The following LSAMP variants were observed in gnomAD, a reference collection of about 807,000 sequenced individuals.
LSAMP encodes the protein limbic system-associated membrane protein.
In LSAMP, 7 loss-of-function variants were observed where a neutral mutation model predicts 38.6. The ratio of observed to expected loss-of-function variants is 0.18; its 90% CI spans 0.10 to 0.34. LSAMP has a LOEUF of 0.34. LSAMP is among the 10% of genes least tolerant of loss of function. LSAMP has a pLI of 1.00. For synonymous variants in LSAMP, 154 were observed against 166.8 expected (o/e 0.92, Z 0.59); for missense variants, 313 against 420.0 (o/e 0.75, Z 2.23).
intron 3 of LSAMP, among the ~76,000 whole-genome samples, chr3:116,003,477 T>G (rs1940059519): frequency 6.6e-6 from 1 of 152,202 alleles, no homozygotes; most frequent in Non-Finnish European, 1.5e-5. Flanking sequence ...ATCTCATTAT[T>G]CTCTAATCTT....
chr3:116,200,867 A>G (rs1211865392), intron 1 of LSAMP, among the ~76,000 whole-genome samples: 1 of 152,204 alleles, frequency 6.6e-6, no homozygotes, highest in Non-Finnish European at 1.5e-5. Flanking sequence ...TTTGTAGGTA[A>G]ATAAGCATCC....
intron 3 of LSAMP, among the ~76,000 whole-genome samples, chr3:115,885,344 T>C (rs1199887625): frequency 2.0e-5 from 3 of 151,930 alleles, no homozygotes; most frequent in African/African-American, 7.2e-5. Context: ...AAAAGGACAG[T>C]TGGAGTGACA....
At chr3:115,926,895 C>A (rs1173369714) in intron 3 of LSAMP, among the ~76,000 whole-genome samples, 1 of 152,122 alleles carries the variant, frequency 6.6e-6, no homozygotes, top group African/African-American at 2.4e-5. Context: ...AAATTCTATT[C>A]ATCTATCTGA....
chr3:116,044,574 T>A (rs2107723036), intron 2 of LSAMP, among the ~76,000 whole-genome samples: 2 of 151,936 alleles, frequency 1.3e-5, no homozygotes, highest in Middle Eastern at 6.8e-3. Flanking sequence ...GACAGGTCTC[T>A]ATTTCTGGGC....
At chr3:116,367,828 A>T (rs910269253) in intron 1 of LSAMP, 1 of 151,708 alleles carries the variant, frequency 6.6e-6, no homozygotes, top group Non-Finnish European at 1.5e-5. Context: ...TCCTTTTTTT[A>T]AAAAAACAAA....
chr3:116,432,030 C>T (rs115189362), intron 1 of LSAMP, among the ~76,000 whole-genome samples: 1,613 of 152,054 alleles, frequency 0.011, 15 homozygotes, highest in Non-Finnish European at 0.018. Context: ...AAAACATTGT[C>T]TGACTCCCCT....
intron 1 of LSAMP, among the ~76,000 whole-genome samples, chr3:116,258,884 A>C (rs1576465027): frequency 1.3e-5 from 2 of 152,266 alleles, no homozygotes; most frequent in African/African-American, 4.8e-5. Context: ...CCTTCTTATC[A>C]AAAGGTTTAC....
chr3:116,111,736 C>G (rs1708621093), intron 1 of LSAMP, among the ~76,000 whole-genome samples: 1 of 152,152 alleles, frequency 6.6e-6, no homozygotes. Flanking sequence ...GCTAATTTAT[C>G]ATTTAATTTG....
intron 6 of LSAMP, among the ~76,000 whole-genome samples, chr3:115,818,581 C>G (rs1018594483): frequency 3.3e-5 from 5 of 151,396 alleles, no homozygotes. Context: ...ACTATACTTA[C>G]AATGGTGCCA....
intron 2 of LSAMP, among the ~76,000 whole-genome samples, chr3:116,033,983 T>A (rs1269261335): frequency 6.6e-6 from 1 of 152,122 alleles, no homozygotes; most frequent in Non-Finnish European, 1.5e-5. Flanking sequence ...GGGTCTGGGC[T>A]GGAAATCTAT....
chr3:116,099,768 C>T (rs1412174120), intron 1 of LSAMP, among the ~76,000 whole-genome samples: 1 of 152,130 alleles, frequency 6.6e-6, no homozygotes, highest in South Asian at 2.1e-4. Flanking sequence ...TTCTCAATTT[C>T]CATAATTGTC....
chr3:115,937,679 T>C (rs1937752268), intron 3 of LSAMP, among the ~76,000 whole-genome samples: 1 of 151,870 alleles, frequency 6.6e-6, no homozygotes, highest in Non-Finnish European at 1.5e-5. Context: ...TTTTGCATTA[T>C]GTAAAAATTT....
rs151170083 is a variant in LSAMP at position 116,359,162 on chromosome 3, G to A, written c.155+85715C>T. Among the ~76,000 whole-genome samples, 655 of 152,066 alleles carry A rather than the reference G, an allele frequency of 4.3e-3. 5 individuals are homozygous for A. Among genetic ancestry groups the A allele is most frequent in the African/African-American group, 0.015 (621 of 41,512 alleles). The stretch of plus-strand genomic sequence containing the variant: ...AGTTTATGATACATACTACTTTTTG[G>A]TTGAGTCTTTTCTAAGATAAAATAC... On this transcript the variant is annotated intron_variant, in intron 1 of 6. Coordinates refer to ENST00000490035, the MANE Select transcript of LSAMP (RefSeq NM_002338.5).
chr3:116,346,327 C>CT (rs11391341), intron 1 of LSAMP, among the ~76,000 whole-genome samples: 71,650 of 142,200 alleles, frequency 0.5, 20,816 homozygotes, highest in East Asian at 0.81. Context: ...TTAGTTTTAT[C>CT]TTTTTTTTTT....
chr3:116,303,493 G>T (rs866126515), intron 1 of LSAMP, among the ~76,000 whole-genome samples: 1 of 152,112 alleles, frequency 6.6e-6, no homozygotes, highest in Non-Finnish European at 1.5e-5. Flanking sequence ...TTGAAATTCA[G>T]TGTCTAGTAT....
chr3:116,113,108 A>T (rs1288706315), intron 1 of LSAMP, among the ~76,000 whole-genome samples: 2 of 152,150 alleles, frequency 1.3e-5, no homozygotes, highest in African/African-American at 4.8e-5. Context: ...AACAGTGAGA[A>T]GTGAAGAGAG....
intron 1 of LSAMP, among the ~76,000 whole-genome samples, chr3:116,131,459 C>G (rs1034343628): frequency 7.2e-5 from 11 of 152,174 alleles, no homozygotes; most frequent in Middle Eastern, 3.4e-3. Context: ...TGGTTTGAGA[C>G]TTTTACTGTC....
intron 3 of LSAMP, among the ~76,000 whole-genome samples, chr3:115,882,342 T>A (rs996011049): frequency 6.6e-6 from 1 of 152,134 alleles, no homozygotes; most frequent in Non-Finnish European, 1.5e-5. Context: ...AGGATCTTTT[T>A]AAGACTTTTA....
chr3:116,014,024 A>G (rs1004075874), intron 3 of LSAMP, among the ~76,000 whole-genome samples: 1 of 152,168 alleles, frequency 6.6e-6, no homozygotes, highest in Non-Finnish European at 1.5e-5. Flanking sequence ...ATTGAATGCC[A>G]TAATTTTTCC....
Sources: allele counts gnomAD v4.1 joint callset (sites outside exome capture counted in the v4.1 genomes callset), GRCh38; gene constraint gnomAD v4.1.1; transcripts MANE v1.5; gene names NCBI Gene and HGNC (gene_info 2026-07-23, HGNC 2026-07-21).